Variants in SVOP observed in about 807,000 individuals in gnomAD.
SVOP encodes SV2 related protein.
In SVOP, 17 loss-of-function variants were observed where a neutral mutation model predicts 69.1. That is an observed-to-expected ratio of 0.25 (90% CI 0.17 to 0.37). The LOEUF is 0.37. Ranked by LOEUF, SVOP falls within the 10% of genes least tolerant of loss-of-function variation. The probability of loss-of-function intolerance (pLI) is 1.00; values close to 1 mark genes in which losing one functional copy is unlikely to be tolerated. For synonymous variants in SVOP, 238 were observed against 238.6 expected (o/e 1.00, Z 0.02); for missense variants, 435 against 597.5 (o/e 0.73, Z 2.84).
chr12:108,932,809 T>C (rs763026127), intron 11 of SVOP, among the ~76,000 whole-genome samples: 1 of 152,126 alleles, frequency 6.6e-6, no homozygotes, highest in Admixed American at 6.5e-5. Flanking sequence ...CCAACTTGAC[T>C]CTAGTAGAAC....
intron 7 of SVOP, among the ~76,000 whole-genome samples, chr12:108,942,043 G>A (rs527687508): frequency 2.0e-5 from 3 of 152,112 alleles, no homozygotes; most frequent in South Asian, 4.1e-4. Flanking sequence ...TCTACTTTTC[G>A]TCTCTATGAA....
intron 5 of SVOP, among the ~76,000 whole-genome samples, chr12:108,970,296 A>C (rs142935952): frequency 0.84 from 127,952 of 151,874 alleles, 54,133 homozygotes; most frequent in East Asian, 1. Context: ...TTCTGTGATG[A>C]GCAAACCATG....
At chr12:108,984,524 C>T (rs1026200612) in intron 1 of SVOP, among the ~76,000 whole-genome samples, 1 of 152,166 alleles carries the variant, frequency 6.6e-6, no homozygotes, top group East Asian at 1.9e-4. Flanking sequence ...ATCTCCAGCC[C>T]TAAGGGTCTT....
At chr12:108,991,845 C>G (rs1340661894) in intron 1 of SVOP, among the ~76,000 whole-genome samples, 2 of 151,812 alleles carry the variant, frequency 1.3e-5, no homozygotes, top group Non-Finnish European at 2.9e-5. Flanking sequence ...ACTCAAAAGG[C>G]TGAGGCAGGA....
At chr12:108,956,074 G>C (rs560786688) in intron 6 of SVOP, among the ~76,000 whole-genome samples, 204 of 152,234 alleles carry the variant, frequency 1.3e-3, no homozygotes, top group African/African-American at 4.7e-3. Flanking sequence ...GCTGAGGTGG[G>C]TGGATCACGA....
In SVOP at chr12:108,937,229, G is replaced by C. The variant is rs781765388; in HGVS notation, c.971+35C>G. The stretch of plus-strand genomic sequence containing the variant: ...AACCCAAAACAGGGCACAGGGAGTG[G>C]AAAGGGGTCAAAGTGGTCAACAAAC... On this transcript the variant is annotated intron_variant, in intron 10 of 15. Coordinates refer to ENST00000610966, the MANE Select transcript of SVOP (RefSeq NM_018711.5). 3.7e-6 allele frequency: 6 copies of C among 1,610,268 alleles called. No homozygotes were observed. The African/African-American group carries it at 8.0e-5, about 22-fold the overall frequency.
At chr12:108,954,950 G>A (rs1043307548) in intron 6 of SVOP, among the ~76,000 whole-genome samples, 5 of 152,178 alleles carry the variant, frequency 3.3e-5, no homozygotes, top group Admixed American at 1.3e-4. Context: ...CTGGGAGTTC[G>A]AGGCTGCAGT....
Position 108,920,350 on chromosome 12 carries a change from A to G in SVOP, c.1157-564T>C, listed in dbSNP as rs1036819418. On this transcript the variant is annotated intron_variant, in intron 12 of 15. Coordinates refer to ENST00000610966, the MANE Select transcript of SVOP (RefSeq NM_018711.5). ...CTGGCAATAGATAACTAACCCAGGC[A>G]CCAGCAGGAGCCTGAATGATGACAT... Among the ~76,000 whole-genome samples, 7 of 152,318 alleles carry G rather than the reference A, an allele frequency of 4.6e-5. No homozygotes were observed. In the East Asian group the frequency reaches 9.6e-4, roughly 21 times the overall value.
chr12:108,921,570 C>G (rs1010353696), intron 12 of SVOP, among the ~76,000 whole-genome samples: 4 of 152,130 alleles, frequency 2.6e-5, no homozygotes, highest in Admixed American at 2.6e-4. Flanking sequence ...ATAGAACATG[C>G]GCCTTGGAGT....
rs1593183778 is a variant in SVOP at position 108,938,934 on chromosome 12, A to G, written c.790T>C (p.Tyr264His). Residue 264 changes from tyrosine (Y) to histidine (H), a missense_variant, in exon 9 of 16, where the codon TAT (tyrosine) becomes CAT (histidine). Tyr to His is a moderately conservative substitution (Grantham distance 83). Coordinates refer to ENST00000610966, the MANE Select transcript of SVOP (RefSeq NM_018711.5). Reference sequence around the variant, plus strand: ...TCCTGGTTCCCTGACAGCACATCATACCTTGCACTTTCAGGCAGCCACTGG... The same window carrying G: ...TCCTGGTTCCCTGACAGCACATCATGCCTTGCACTTTCAGGCAGCCACTGG... Reference protein sequence around the residue: ...LCFWLPESARYDVLSGNQEKA... With the variant: ...LCFWLPESARHDVLSGNQEKA... 1.2e-6 allele frequency: 2 copies of G among 1,613,940 alleles called. No individual in the cohort carries two copies. Among genetic ancestry groups the G allele is most frequent in the East Asian group, 2.2e-5 (1 of 44,874 alleles).
At chr12:108,914,886 A>T (rs77325465) in intron 15 of SVOP, among the ~76,000 whole-genome samples, 58,800 of 150,178 alleles carry the variant, frequency 0.39, 11,886 homozygotes, top group South Asian at 0.57. Flanking sequence ...AAAAAAAAAA[A>T]TTTTTTTGGC....
At chr12:108,984,762 T>C (rs994621058) in intron 1 of SVOP, among the ~76,000 whole-genome samples, 49,031 of 152,012 alleles carry the variant, frequency 0.32, 8,372 homozygotes, top group African/African-American at 0.42. Context: ...CTTCCAACTT[T>C]CTCACTCCCA....
rs143340887 is a variant in SVOP at position 108,978,703 on chromosome 12, C to T, written c.197-40G>A. On this transcript the variant is annotated intron_variant, in intron 2 of 15. Transcript: ENST00000610966. ...GGGAGAGGGAAGGAAGGAATCAGTGCACCTTGCAGTTGTCCTAGTGTGGGG... is the reference window on the plus strand; with the variant it reads ...GGGAGAGGGAAGGAAGGAATCAGTGTACCTTGCAGTTGTCCTAGTGTGGGG... 8.4e-4 allele frequency: 591 copies of T among 702,044 alleles called. 4 individuals carry two copies. The African/African-American group carries it at 9.2e-3, about 11-fold the overall frequency. The allele number at this position is 702,044 out of a possible 1,614,324, so 43.5% of individuals were successfully genotyped here.
chr12:108,975,776 T>C (rs1180278575), intron 4 of SVOP, among the ~76,000 whole-genome samples: 1 of 152,140 alleles, frequency 6.6e-6, no homozygotes, highest in Non-Finnish European at 1.5e-5. Context: ...ATCTCGGCTC[T>C]CTGCAAACTC....
chr12:108,952,885 C>T (rs1402753921), intron 6 of SVOP, among the ~76,000 whole-genome samples: 1 of 152,074 alleles, frequency 6.6e-6, no homozygotes, highest in African/African-American at 2.4e-5. Context: ...ACTATCTGAC[C>T]TCCAGCAAGT....
At chr12:108,980,494 A>G (rs1376862087) in intron 2 of SVOP, among the ~76,000 whole-genome samples, 3 of 151,342 alleles carry the variant, frequency 2.0e-5, no homozygotes, top group African/African-American at 7.3e-5. Context: ...CACGCCTGAA[A>G]TCTCAACACT....
intron 4 of SVOP, 122 bp from the exon 5 acceptor site, chr12:108,972,598 GA>G: frequency 9.7e-7 from 1 of 1,033,172 alleles, no homozygotes; most frequent in Non-Finnish European, 1.4e-6. Context: ...CATTCACTGA[GA>G]GCCTGCCAAG....
chr12:108,968,712 T>A (rs1245172516), intron 5 of SVOP, among the ~76,000 whole-genome samples: 1 of 16,554 alleles, frequency 6.0e-5, no homozygotes, highest in African/African-American at 9.0e-5. Flanking sequence ...ATTCCTGAAG[T>A]GTGTGTGTGT....
At chr12:108,997,891 A>C (rs1593204553) in intron 1 of SVOP, among the ~76,000 whole-genome samples, 2 of 150,236 alleles carry the variant, frequency 1.3e-5, no homozygotes, top group South Asian at 2.2e-4. Flanking sequence ...GGAAACTCTA[A>C]AACGCAGAGC....
Sources: allele counts gnomAD v4.1 joint callset (sites outside exome capture counted in the v4.1 genomes callset), GRCh38; gene constraint gnomAD v4.1.1; transcripts MANE v1.5; gene names NCBI Gene and HGNC (gene_info 2026-07-23, HGNC 2026-07-21).